The following LARGE1 variants were observed in gnomAD, a reference collection of about 807,000 sequenced individuals.
The protein encoded by LARGE1 is xylosyl- and glucuronyltransferase LARGE1.
In LARGE1, 43 loss-of-function variants were observed where a neutral mutation model predicts 87.6. The ratio of observed to expected loss-of-function variants is 0.49; its 90% confidence interval spans 0.38 to 0.63. The LOEUF is 0.63. LARGE1 is among the 30% of genes least tolerant of loss of function. LARGE1 has a pLI of 0.00. For synonymous variants in LARGE1, 434 were observed against 394.6 expected (o/e 1.10, Z -1.18); for missense variants, 802 against 1,000.2 (o/e 0.80, Z 2.67).
At chr22:33,801,735 T>C (rs1182612609) in intron 1 of LARGE1, among the ~76,000 whole-genome samples, 1 of 152,182 alleles carries the variant, frequency 6.6e-6, no homozygotes, top group Middle Eastern at 3.2e-3. Flanking sequence ...GTTTTACGAA[T>C]TGTGCTTTTG....
At chr22:33,171,963 G>A (rs1922599458) in intron 11 of LARGE1, among the ~76,000 whole-genome samples, 1 of 152,244 alleles carries the variant, frequency 6.6e-6, no homozygotes, top group African/African-American at 2.4e-5. Context: ...ATGCCAGCCT[G>A]TGAAAGCATC....
intron 1 of LARGE1, among the ~76,000 whole-genome samples, chr22:33,852,730 C>G (rs554368520): frequency 3.6e-4 from 55 of 151,758 alleles, no homozygotes; most frequent in Admixed American, 3.0e-3. Context: ...GCGGCGTACA[C>G]CTGTAGTCCC....
chr22:33,713,997 A>G (rs907838508), intron 2 of LARGE1, among the ~76,000 whole-genome samples: 2 of 151,270 alleles, frequency 1.3e-5, no homozygotes, highest in African/African-American at 4.9e-5. Context: ...ATAACATAAC[A>G]TAACATAACA....
At chr22:33,259,030 A>C (rs1410826580) in intron 11 of LARGE1, among the ~76,000 whole-genome samples, 3 of 151,894 alleles carry the variant, frequency 2.0e-5, no homozygotes, top group African/African-American at 7.3e-5. Context: ...GGCGCCCGCC[A>C]CCACACCTGG....
chr22:33,227,655 T>C (rs902691151), intron 11 of LARGE1, among the ~76,000 whole-genome samples: 1 of 152,204 alleles, frequency 6.6e-6, no homozygotes, highest in Non-Finnish European at 1.5e-5. Context: ...ATTTTAAAAT[T>C]TGCTTTATTT....
At chr22:33,887,718 C>G (rs377192124) in intron 1 of LARGE1, among the ~76,000 whole-genome samples, 60 of 150,948 alleles carry the variant, frequency 4.0e-4, no homozygotes, top group African/African-American at 1.4e-3. Flanking sequence ...GCCTAAGTGA[C>G]AAGAGCAAGA....
intron 7 of LARGE1, among the ~76,000 whole-genome samples, chr22:33,390,367 C>T (rs2065475269): frequency 6.6e-6 from 1 of 152,104 alleles, no homozygotes; most frequent in African/African-American, 2.4e-5. Context: ...ATGTGGGAAC[C>T]GAGGTGCTGA....
chr22:33,071,270 G>T, the LARGE1 span, among the ~76,000 whole-genome samples: 5 of 152,214 alleles, frequency 3.3e-5, no homozygotes, highest in African/African-American at 1.2e-4. Context: ...AGGAGCCACA[G>T]GCTATGAAGA....
chr22:33,915,035 A>ACG (rs1282186658), intron 1 of LARGE1, among the ~76,000 whole-genome samples: 1 of 122,494 alleles, frequency 8.2e-6, no homozygotes, highest in Admixed American at 8.3e-5. Context: ...ACACACACAC[A>ACG]CACACACAGA....
chr22:33,702,258 T>C (rs1436242554), intron 2 of LARGE1, among the ~76,000 whole-genome samples: 5 of 152,238 alleles, frequency 3.3e-5, no homozygotes, highest in African/African-American at 7.2e-5. Context: ...CTGAATGTAA[T>C]CTGCAGCTTC....
chr22:33,274,788 G>C lies in LARGE1; in HGVS notation c.2074-164C>G, dbSNP rs78128676. Among the ~76,000 whole-genome samples, 9 of 152,260 alleles carry C rather than the reference G, an allele frequency of 5.9e-5. No homozygotes were observed. In the East Asian group the frequency reaches 1.7e-3, roughly 29 times the overall value. ...AACAGCTTTGGAGTGGGGTAATTCA[G>C]GGCTGTTTCCATGACCTTGGACCAG... On this transcript the variant is annotated intron_variant, in intron 14 of 14. Coordinates refer to ENST00000397394, the MANE Select transcript of LARGE1 (RefSeq NM_133642.5).
chr22:33,709,107 CA>C (rs1354109110), intron 2 of LARGE1, among the ~76,000 whole-genome samples: 1 of 152,198 alleles, frequency 6.6e-6, no homozygotes, highest in Admixed American at 6.5e-5. Context: ...TCCTGGGTAT[CA>C]GGGGTTAAGG....
intron 6 of LARGE1, among the ~76,000 whole-genome samples, chr22:33,436,011 G>A (rs970931126): frequency 2.6e-5 from 4 of 152,284 alleles, no homozygotes; most frequent in South Asian, 4.1e-4. Flanking sequence ...GCCTCTCAAC[G>A]GTGTTGAGTT....
At chr22:33,867,268 T>A (rs1287223674) in intron 1 of LARGE1, among the ~76,000 whole-genome samples, 1 of 152,194 alleles carries the variant, frequency 6.6e-6, no homozygotes, top group Non-Finnish European at 1.5e-5. Context: ...TTAATCATCA[T>A]GAACAGGAAT....
intron 1 of LARGE1, among the ~76,000 whole-genome samples, chr22:33,791,074 G>C (rs767034591): frequency 2.0e-5 from 3 of 152,108 alleles, no homozygotes; most frequent in Non-Finnish European, 4.4e-5. Flanking sequence ...TTTATAACTT[G>C]TACTAGTTAT....
intron 1 of LARGE1, among the ~76,000 whole-genome samples, chr22:33,780,021 C>A (rs946017372): frequency 4.5e-4 from 66 of 147,268 alleles, no homozygotes; most frequent in African/African-American, 1.6e-3. Context: ...GTGAACAGGG[C>A]ACGCTCACTC....
At chr22:33,125,188 C>T in the LARGE1 span, among the ~76,000 whole-genome samples, 1 of 152,190 alleles carries the variant, frequency 6.6e-6, no homozygotes, top group Non-Finnish European at 1.5e-5. Context: ...GGACCCCTTC[C>T]TGGTTTCTGC....
At chr22:33,089,325 TTCTTCTTCTTCTTC>T in the LARGE1 span, among the ~76,000 whole-genome samples, 1 of 88,042 alleles carries the variant, frequency 1.1e-5, no homozygotes, top group African/African-American at 5.4e-5. Flanking sequence ...TTCTTCTTTC[TTCTTCTTCTTCTTC>T]TTCTTCTTCT....
intron 2 of LARGE1, among the ~76,000 whole-genome samples, chr22:33,684,782 C>CT (rs2081896755): frequency 6.6e-6 from 1 of 152,148 alleles, no homozygotes; most frequent in Non-Finnish European, 1.5e-5. Flanking sequence ...ATGGCCTTCC[C>CT]TTTTTTCCAT....
Sources: gnomAD v4.1 joint callset for allele counts (sites outside exome capture counted in the v4.1 genomes callset) on GRCh38, gnomAD v4.1.1 for gene constraint, MANE v1.5 for transcripts, NCBI Gene and HGNC (gene_info 2026-07-23, HGNC 2026-07-21) for gene names.